GUCY1A2: variants seen among roughly 807,000 people sequenced by gnomAD.
The protein encoded by GUCY1A2 is guanylate cyclase soluble subunit alpha-2.
In GUCY1A2, 27 loss-of-function variants were observed where a neutral mutation model predicts 63.5. The ratio of observed to expected loss-of-function variants is 0.43; its 90% CI spans 0.31 to 0.59. The LOEUF (loss-of-function observed/expected upper bound fraction) is 0.59, where lower values mean the gene tolerates loss of function less well. Among genes scored for constraint, GUCY1A2 ranks in the 20% least tolerant of loss-of-function variants. The pLI, the probability that GUCY1A2 is intolerant of heterozygous loss-of-function variation, is 0.11. For synonymous variants in GUCY1A2, 364 were observed against 343.5 expected, an observed-to-expected ratio of 1.06 and a Z score of -0.66; for missense variants, 768 against 913.3, an observed-to-expected ratio of 0.84 and a Z score of 2.05.
At chr11:107,002,525 C>T (rs545345876) in intron 1 of GUCY1A2, among the ~76,000 whole-genome samples, 1 of 152,104 alleles carries the variant, frequency 6.6e-6, no homozygotes, top group African/African-American at 2.4e-5. Flanking sequence ...AAAAACAGTT[C>T]CCTCCATATG....
chr11:106,853,155 T>C (rs943979799), intron 4 of GUCY1A2, among the ~76,000 whole-genome samples: 1 of 152,186 alleles, frequency 6.6e-6, no homozygotes, highest in Non-Finnish European at 1.5e-5. Context: ...ATCTTTCACC[T>C]TTCTGTATCT....
At chr11:106,701,465 C>CTGTA (rs1378265436) in intron 7 of GUCY1A2, among the ~76,000 whole-genome samples, 1 of 152,140 alleles carries the variant, frequency 6.6e-6, no homozygotes, top group Non-Finnish European at 1.5e-5. Flanking sequence ...ATCTCCCTTG[C>CTGTA]TGTAATTCCA....
intron 4 of GUCY1A2, among the ~76,000 whole-genome samples, chr11:106,861,087 T>G (rs1024462111): frequency 6.6e-6 from 1 of 151,922 alleles, no homozygotes; most frequent in African/African-American, 2.4e-5. Context: ...ACAATGTGCT[T>G]GAGTCCTCGC....
intron 6 of GUCY1A2, among the ~76,000 whole-genome samples, chr11:106,709,553 A>G (rs1305621572): frequency 1.7e-5 from 1 of 58,732 alleles, no homozygotes; most frequent in Non-Finnish European, 2.7e-5. Context: ...ATATTATTAT[A>G]TAAATATGTT....
At chr11:106,836,440 C>T (rs1010035774) in intron 4 of GUCY1A2, among the ~76,000 whole-genome samples, 3 of 151,960 alleles carry the variant, frequency 2.0e-5, no homozygotes, top group African/African-American at 4.8e-5. Flanking sequence ...CAAGATGAAT[C>T]GTCTGTCTGA....
At chr11:106,827,420 C>A in intron 4 of GUCY1A2, 1 of 1,470,464 alleles carries the variant, frequency 6.8e-7, no homozygotes, top group African/African-American at 1.4e-5. Flanking sequence ...AACTCAAGTG[C>A]GATACCACCG....
At chr11:106,758,484 C>T (rs550327002) in intron 6 of GUCY1A2, among the ~76,000 whole-genome samples, 10 of 152,320 alleles carry the variant, frequency 6.6e-5, no homozygotes, top group East Asian at 3.9e-4. Context: ...TGCCCTGCTT[C>T]GGTTCGCCCT....
At chr11:106,812,102 T>C (rs1858769542) in intron 4 of GUCY1A2, among the ~76,000 whole-genome samples, 1 of 152,010 alleles carries the variant, frequency 6.6e-6, no homozygotes, top group South Asian at 2.1e-4. Flanking sequence ...ACATACTTTC[T>C]TGTTATTAGG....
At position 106,908,786 on chromosome 11, in the gene GUCY1A2, G is replaced by T. The variant is rs186925833; in HGVS notation, c.1206+30674C>A. Among the ~76,000 whole-genome samples the T allele has an allele frequency of 1.1e-4, 16 of 152,074 alleles. No homozygotes were observed. The East Asian group carries it at 2.9e-3, about 28-fold the overall frequency. ...TTAGGCACTAAATCAACCAGGGCTG[G>T]TCCAGAAATCCTTTGGCAATTACAT... On this transcript the variant is annotated intron_variant, in intron 4 of 7. Transcript: ENST00000526355.
intron 4 of GUCY1A2, among the ~76,000 whole-genome samples, chr11:106,904,842 G>C (rs1860182506): frequency 6.6e-6 from 1 of 151,416 alleles, no homozygotes; most frequent in South Asian, 2.1e-4. Flanking sequence ...GATGCCAATT[G>C]GTAAAAAATA....
At chr11:106,937,750 A>C (rs1860698741) in intron 4 of GUCY1A2, among the ~76,000 whole-genome samples, 1 of 152,228 alleles carries the variant, frequency 6.6e-6, no homozygotes, top group Non-Finnish European at 1.5e-5. Flanking sequence ...GACAATTTGT[A>C]TTTAAAACAT....
At chr11:106,733,811 G>T (rs1395468064) in intron 6 of GUCY1A2, among the ~76,000 whole-genome samples, 1 of 152,048 alleles carries the variant, frequency 6.6e-6, no homozygotes, top group African/African-American at 2.4e-5. Context: ...AAGGAACCTT[G>T]GCAATGAGAT....
intron 1 of GUCY1A2, among the ~76,000 whole-genome samples, chr11:106,995,285 G>C (rs1327138676): frequency 6.6e-6 from 1 of 152,142 alleles, no homozygotes; most frequent in Non-Finnish European, 1.5e-5. Flanking sequence ...TCTTACAAGA[G>C]AGTCAGAAGT....
chr11:106,972,492 G>A (rs1178496329), intron 3 of GUCY1A2, among the ~76,000 whole-genome samples: 1 of 152,084 alleles, frequency 6.6e-6, no homozygotes, highest in African/African-American at 2.4e-5. Flanking sequence ...ACAAAGAAGA[G>A]GTGCTAGACA....
intron 4 of GUCY1A2, among the ~76,000 whole-genome samples, chr11:106,922,533 TAC>T (rs35961634): frequency 6.7e-6 from 1 of 149,230 alleles, no homozygotes; most frequent in African/African-American, 2.5e-5. Context: ...AAATTGTGAG[TAC>T]ACACACACAC....
At chr11:106,946,879 A>T (rs1235529637) in intron 3 of GUCY1A2, among the ~76,000 whole-genome samples, 3 of 152,192 alleles carry the variant, frequency 2.0e-5, no homozygotes, top group African/African-American at 7.2e-5. Flanking sequence ...ATCATATTTC[A>T]ATAAAGCATT....
intron 6 of GUCY1A2, among the ~76,000 whole-genome samples, chr11:106,770,386 C>A (rs924545639): frequency 6.6e-5 from 10 of 152,112 alleles, no homozygotes; most frequent in Admixed American, 5.9e-4. Context: ...CATTTTTGAC[C>A]CACAGTTGGC....
chr11:106,903,272 T>G, intron 4 of GUCY1A2, among the ~76,000 whole-genome samples: 1 of 152,182 alleles, frequency 6.6e-6, no homozygotes, highest in Non-Finnish European at 1.5e-5. Context: ...CATTCTACTC[T>G]TCTTTAATGC....
chr11:106,939,090 T>C (rs958053330), intron 4 of GUCY1A2, among the ~76,000 whole-genome samples: 2 of 152,214 alleles, frequency 1.3e-5, no homozygotes, highest in Non-Finnish European at 2.9e-5. Context: ...TATTTAAAGA[T>C]ATTGCAGTCA....
Sources: gnomAD v4.1 joint callset for allele counts (sites outside exome capture counted in the v4.1 genomes callset) on GRCh38, gnomAD v4.1.1 for gene constraint, MANE v1.5 for transcripts, NCBI Gene and HGNC (gene_info 2026-07-23, HGNC 2026-07-21) for gene names.